PRKCE: variants seen among roughly 807,000 people sequenced by gnomAD.
PRKCE encodes protein kinase C epsilon type.
A neutral mutation model predicts 85.4 loss-of-function variants in PRKCE; 16 were observed. That is an observed-to-expected ratio of 0.19 (90% CI 0.13 to 0.28). PRKCE has a LOEUF of 0.28. Ranked by LOEUF, PRKCE falls within the 10% of genes least tolerant of loss-of-function variation. PRKCE has a pLI of 1.00. For synonymous variants in PRKCE, 388 were observed against 371.5 expected (o/e 1.04, Z -0.51); for missense variants, 573 against 975.2 (o/e 0.59, Z 5.49).
At chr2:45,987,218 G>A (rs537422611) in intron 6 of PRKCE, among the ~76,000 whole-genome samples, 84 of 152,266 alleles carry the variant, frequency 5.5e-4, no homozygotes, top group African/African-American at 2.0e-3. Context: ...TTGTTGGGCA[G>A]GAAATGCTCT....
chr2:46,062,807 A>G (rs569690149), intron 10 of PRKCE, among the ~76,000 whole-genome samples: 1 of 149,576 alleles, frequency 6.7e-6, no homozygotes, highest in Non-Finnish European at 1.5e-5. Flanking sequence ...CTGAGTAGTT[A>G]CAGTGGAGAC....
chr2:45,764,564 C>T (rs564242878), intron 1 of PRKCE, among the ~76,000 whole-genome samples: 1 of 152,316 alleles, frequency 6.6e-6, no homozygotes, highest in African/African-American at 2.4e-5. Context: ...GCCCCGAAAC[C>T]AGACAGGGCA....
intron 1 of PRKCE, among the ~76,000 whole-genome samples, chr2:45,764,477 G>A (rs139511397): frequency 1.6e-4 from 25 of 152,230 alleles, no homozygotes; most frequent in African/African-American, 6.0e-4. Context: ...TTGCAATCAG[G>A]GTTCAGTTTT....
At chr2:45,884,924 T>A (rs999998375) in intron 2 of PRKCE, among the ~76,000 whole-genome samples, 1 of 144,594 alleles carries the variant, frequency 6.9e-6, no homozygotes, top group Non-Finnish European at 1.5e-5. Flanking sequence ...TCTGATTGTA[T>A]AAGCTGCGTG....
intron 13 of PRKCE, among the ~76,000 whole-genome samples, chr2:46,153,505 G>C (rs1006723344): frequency 6.6e-6 from 1 of 152,174 alleles, no homozygotes; most frequent in Non-Finnish European, 1.5e-5. Flanking sequence ...GGCTGCATGG[G>C]GTGCTCTTGA....
intron 10 of PRKCE, among the ~76,000 whole-genome samples, chr2:46,020,062 C>T (rs565241045): frequency 3.9e-5 from 6 of 152,194 alleles, no homozygotes; most frequent in Admixed American, 1.3e-4. Context: ...GTTGGCCAGG[C>T]TGGTCTCGAA....
At chr2:45,754,023 C>T (rs1683801908) in intron 1 of PRKCE, among the ~76,000 whole-genome samples, 2 of 152,200 alleles carry the variant, frequency 1.3e-5, no homozygotes, top group Admixed American at 6.5e-5. Context: ...TGAACAAGGC[C>T]TATATTCACA....
intron 10 of PRKCE, among the ~76,000 whole-genome samples, chr2:46,062,717 A>G (rs548002493): frequency 1.8e-5 from 2 of 112,970 alleles, no homozygotes; most frequent in Non-Finnish European, 3.3e-5. Context: ...TCAGTGGCCC[A>G]GGCTGGAGTG....
chr2:45,793,973 C>A (rs1240719058), intron 1 of PRKCE, among the ~76,000 whole-genome samples: 1 of 152,086 alleles, frequency 6.6e-6, no homozygotes, highest in African/African-American at 2.4e-5. Flanking sequence ...TAGATAAAAT[C>A]CACAGCAATC....
intron 2 of PRKCE, among the ~76,000 whole-genome samples, chr2:45,916,195 GGAGA>G (rs976928117): frequency 2.2e-4 from 33 of 151,706 alleles, no homozygotes; most frequent in African/African-American, 7.7e-4. Context: ...CTTTATGACA[GGAGA>G]GAGAACTAGT....
At chr2:45,708,075 G>A (rs558928461) in intron 1 of PRKCE, among the ~76,000 whole-genome samples, 73 of 152,280 alleles carry the variant, frequency 4.8e-4, no homozygotes, top group Admixed American at 3.2e-3. Flanking sequence ...TCCTGCCTTC[G>A]GTGAGCTCCT....
chr2:45,965,022 G>A (rs931073042), intron 2 of PRKCE, among the ~76,000 whole-genome samples: 1 of 152,196 alleles, frequency 6.6e-6, no homozygotes, highest in African/African-American at 2.4e-5. Flanking sequence ...ATCTTGAAAT[G>A]CCACCCGTTC....
At chr2:46,170,619 C>T (rs919635993) in intron 14 of PRKCE, among the ~76,000 whole-genome samples, 3 of 152,124 alleles carry the variant, frequency 2.0e-5, no homozygotes, top group African/African-American at 7.2e-5. Context: ...TTTTTTTCAG[C>T]TCTATCTCAA....
intron 2 of PRKCE, among the ~76,000 whole-genome samples, chr2:45,853,999 G>A (rs771970921): frequency 1.3e-3 from 192 of 152,202 alleles, no homozygotes; most frequent in South Asian, 5.2e-3. Flanking sequence ...GCATTCCCCT[G>A]GTTCATGACA....
At chr2:46,122,121 G>C (rs1673367661) in intron 11 of PRKCE, among the ~76,000 whole-genome samples, 1 of 152,140 alleles carries the variant, frequency 6.6e-6, no homozygotes, top group African/African-American at 2.4e-5. Context: ...GCTTCCTTAG[G>C]CTCCTTCCAG....
chr2:45,939,727 G>A (rs1447493513), intron 2 of PRKCE, among the ~76,000 whole-genome samples: 2 of 152,100 alleles, frequency 1.3e-5, no homozygotes, highest in East Asian at 1.9e-4. Flanking sequence ...GCTAATTTTC[G>A]TATTTTTAGT....
rs554912966 is a variant in PRKCE, at chr2:45,976,256, T to C, written c.413-173T>C. 2.8e-4 allele frequency among the ~76,000 whole-genome samples: 42 copies of C among 152,100 alleles called. 1 individual carries two copies. Among genetic ancestry groups the C allele is most frequent in the Non-Finnish European group, 5.3e-4 (36 of 68,000 alleles). On this transcript the variant is annotated intron_variant, in intron 2 of 14. Transcript: ENST00000306156. ...TTCCACCCTACATGTGCTCGCTCACTCCAGCTGCTCAGTGGGACTCCTCAG... is the reference window on the plus strand; with the variant it reads ...TTCCACCCTACATGTGCTCGCTCACCCCAGCTGCTCAGTGGGACTCCTCAG...
chr2:46,113,412 C>T (rs1040073299), intron 11 of PRKCE, among the ~76,000 whole-genome samples: 5 of 152,174 alleles, frequency 3.3e-5, no homozygotes, highest in Non-Finnish European at 7.3e-5. Flanking sequence ...TAATACCTTC[C>T]TCACAGAATG....
In PRKCE at chr2:45,654,857, C is replaced by A. The variant is rs896461630; in HGVS notation, c.348+2409C>A. ...GGCCCCTGGAAATGGAGACAAGTTG[C>A]AGCTGGGCTAAGTTCACCTTTCCCA... On this transcript the variant is annotated intron_variant, in intron 1 of 14. Transcript: ENST00000306156. 2.6e-5 allele frequency among the ~76,000 whole-genome samples: 4 copies of A among 152,120 alleles called. No individual in the cohort carries two copies. The South Asian group carries it at 8.3e-4, about 32-fold the overall frequency.
Sources: gnomAD v4.1 joint callset for allele counts (sites outside exome capture counted in the v4.1 genomes callset) on GRCh38, gnomAD v4.1.1 for gene constraint, MANE v1.5 for transcripts, NCBI Gene and HGNC (gene_info 2026-07-23, HGNC 2026-07-21) for gene names.